Variants in DLG2 observed in about 807,000 individuals in gnomAD.
The protein encoded by DLG2 is discs large MAGUK scaffold protein 2.
In DLG2, 45 loss-of-function variants were observed where a neutral mutation model predicts 132.5. The observed-to-expected ratio is 0.34, with a 90% CI of 0.27 to 0.44. DLG2 has a LOEUF of 0.44. Ranked by LOEUF, DLG2 falls within the 20% of genes least tolerant of loss-of-function variation. The probability of loss-of-function intolerance (pLI) is 1.00; values close to 1 mark genes in which losing one functional copy is unlikely to be tolerated. For synonymous variants in DLG2, 424 were observed against 419.6 expected (o/e 1.01, Z -0.13); for missense variants, 1,045 against 1,196.9 (o/e 0.87, Z 1.87).
At chr11:84,248,732 T>C in intron 8 of DLG2, among the ~76,000 whole-genome samples, 1 of 151,972 alleles carries the variant, frequency 6.6e-6, no homozygotes, top group Admixed American at 6.6e-5. Context: ...CCAGGCATGG[T>C]GGTGCACTCC....
intron 6 of DLG2, among the ~76,000 whole-genome samples, chr11:84,644,993 T>C (rs908363822): frequency 1.3e-5 from 2 of 152,194 alleles, no homozygotes; most frequent in Non-Finnish European, 2.9e-5. Flanking sequence ...CATTCTCGAT[T>C]ATCTGTACCC....
At chr11:83,827,798 A>G (rs1385524228) in intron 17 of DLG2, among the ~76,000 whole-genome samples, 3 of 152,244 alleles carry the variant, frequency 2.0e-5, no homozygotes, top group African/African-American at 7.2e-5. Flanking sequence ...CTTCTGCAGA[A>G]AGAATGCCTG....
intron 6 of DLG2, among the ~76,000 whole-genome samples, chr11:84,754,653 C>G (rs1054438540): frequency 5.3e-5 from 8 of 151,986 alleles, no homozygotes; most frequent in African/African-American, 1.9e-4. Flanking sequence ...TTTGACTAAG[C>G]AGAGAATAAA....
chr11:84,673,297 G>A (rs78146654), intron 6 of DLG2, among the ~76,000 whole-genome samples: 3,920 of 152,140 alleles, frequency 0.026, 173 homozygotes, highest in African/African-American at 0.09. Context: ...GCTATTATTT[G>A]AGGTTTAAAT....
At chr11:84,666,320 G>A (rs897984294) in intron 6 of DLG2, among the ~76,000 whole-genome samples, 1 of 152,064 alleles carries the variant, frequency 6.6e-6, no homozygotes, top group Non-Finnish European at 1.5e-5. Flanking sequence ...AATAGCCTTC[G>A]AACTGGAACA....
intron 6 of DLG2, among the ~76,000 whole-genome samples, chr11:84,884,766 A>G (rs1196486610): frequency 1.3e-5 from 2 of 152,108 alleles, no homozygotes; most frequent in East Asian, 3.9e-4. Context: ...TTCTCTTTCC[A>G]CAATTTCAGT....
intron 3 of DLG2, among the ~76,000 whole-genome samples, chr11:85,324,316 C>T (rs560351665): frequency 6.6e-6 from 1 of 152,226 alleles, no homozygotes; most frequent in African/African-American, 2.4e-5. Context: ...TTCTATCTAG[C>T]TTTCCTGCTA....
intron 7 of DLG2, among the ~76,000 whole-genome samples, chr11:84,506,351 A>G (rs1285389128): frequency 1.3e-5 from 2 of 152,132 alleles, no homozygotes; most frequent in Non-Finnish European, 2.9e-5. Context: ...CTGGGATTAC[A>G]GGCGTGAGCC....
intron 6 of DLG2, among the ~76,000 whole-genome samples, chr11:84,949,842 A>G (rs1212926206): frequency 1.3e-5 from 2 of 152,198 alleles, no homozygotes; most frequent in Non-Finnish European, 2.9e-5. Flanking sequence ...TCCTCAACCG[A>G]CAGGATTAAG....
chr11:84,150,177 C>A (rs2095248816), intron 9 of DLG2, among the ~76,000 whole-genome samples: 1 of 152,172 alleles, frequency 6.6e-6, no homozygotes, highest in Non-Finnish European at 1.5e-5. Context: ...GGTATTGATT[C>A]TTCCAATCCA....
At chr11:83,733,390 G>A (rs181964505) in intron 18 of DLG2, among the ~76,000 whole-genome samples, 59 of 152,152 alleles carry the variant, frequency 3.9e-4, no homozygotes, top group Admixed American at 3.9e-3. Context: ...TATCGTATCA[G>A]GCATGTTGAC....
chr11:85,587,904 A>T (rs75967327), intron 3 of DLG2, among the ~76,000 whole-genome samples: 9,608 of 152,094 alleles, frequency 0.063, 981 homozygotes, highest in African/African-American at 0.22. Context: ...TGATGAATTC[A>T]CTCAACATTT....
intron 6 of DLG2, among the ~76,000 whole-genome samples, chr11:85,015,226 C>G (rs1389951117): frequency 6.6e-6 from 1 of 152,106 alleles, no homozygotes; most frequent in Non-Finnish European, 1.5e-5. Flanking sequence ...AATTCTTAAT[C>G]ATATGCTGCA....
At chr11:84,456,932 TA>T (rs35495784) in intron 7 of DLG2, among the ~76,000 whole-genome samples, 1 of 150,878 alleles carries the variant, frequency 6.6e-6, no homozygotes, top group African/African-American at 2.4e-5. Context: ...AGTTAGTATT[TA>T]AAAAAAAGGT....
chr11:83,481,327 A>G (rs1370635978), intron 22 of DLG2, among the ~76,000 whole-genome samples: 2 of 152,138 alleles, frequency 1.3e-5, no homozygotes, highest in Non-Finnish European at 2.9e-5. Context: ...TTGTTAAGTT[A>G]TAGATGATAC....
chr11:84,462,008 C>T (rs1196718300), intron 7 of DLG2, among the ~76,000 whole-genome samples: 1 of 150,896 alleles, frequency 6.6e-6, no homozygotes, highest in East Asian at 1.9e-4. Context: ...GATCAAGATC[C>T]TTGGCGAAAT....
intron 7 of DLG2, among the ~76,000 whole-genome samples, chr11:84,251,631 T>G (rs964392796): frequency 6.2e-5 from 5 of 81,048 alleles, no homozygotes; most frequent in African/African-American, 2.0e-4. Flanking sequence ...AAAACTTGTA[T>G]CTTTTCTTTC....
chr11:85,296,570 A>T (rs2079232615), intron 3 of DLG2, among the ~76,000 whole-genome samples: 2 of 150,966 alleles, frequency 1.3e-5, no homozygotes, highest in African/African-American at 2.4e-5. Context: ...CATAAATACC[A>T]AAAGCTTAGT....
intron 3 of DLG2, among the ~76,000 whole-genome samples, chr11:85,431,043 T>A (rs1273366271): frequency 6.6e-6 from 1 of 152,106 alleles, no homozygotes; most frequent in Non-Finnish European, 1.5e-5. Context: ...ATTTTTTAGT[T>A]TTTTTTATTT....
Sources: allele counts gnomAD v4.1 joint callset (sites outside exome capture counted in the v4.1 genomes callset), GRCh38; gene constraint gnomAD v4.1.1; transcripts MANE v1.5; gene names NCBI Gene and HGNC (gene_info 2026-07-23, HGNC 2026-07-21).